Variants in DPP9 observed in about 807,000 individuals in gnomAD.
DPP9 encodes dipeptidyl peptidase 9, also known as dipeptidyl peptidase IV-related protein-2.
A neutral mutation model predicts 110.7 loss-of-function variants in DPP9; 50 were observed. The observed-to-expected ratio is 0.45, with a 90% CI of 0.36 to 0.57. The LOEUF (loss-of-function observed/expected upper bound fraction) is 0.57. Ranked by LOEUF, DPP9 falls within the 20% of genes least tolerant of loss-of-function variation. DPP9 has a pLI of 0.00. For missense variants in DPP9, 1,022 were observed against 1,217.9 expected, an observed-to-expected ratio of 0.84 and a Z score of 2.39; for synonymous variants, 561 against 514.4, an observed-to-expected ratio of 1.09 and a Z score of -1.23.
At position 4,684,196 on chromosome 19, in the gene DPP9, T is replaced by C; in HGVS notation, c.2178+467A>G. On this transcript the variant is annotated intron_variant, in intron 18 of 21. Coordinates refer to ENST00000262960, the MANE Select transcript of DPP9 (RefSeq NM_139159.5). The surrounding 1 kb of genome is among the most constrained non-coding windows in gnomAD (Gnocchi z 4.8). Reference sequence around the variant, plus strand: ...GGGAGGCCACGGCTTTTCCGCTCCTTGCAACCCCTCTGCCGTGTAGGAAGC... The same window carrying C: ...GGGAGGCCACGGCTTTTCCGCTCCTCGCAACCCCTCTGCCGTGTAGGAAGC... 1 of 271,990 alleles carries C rather than the reference T, an allele frequency of 3.7e-6. No homozygotes were observed. The highest frequency in any genetic ancestry group is 3.9e-5 in the South Asian group (1 of 25,446). The allele number at this position is 271,990 out of a possible 1,614,324, so 16.8% of individuals were successfully genotyped here.
intron 4 of DPP9, among the ~76,000 whole-genome samples, chr19:4,709,219 G>A (rs114625537): frequency 0.017 from 2,645 of 151,984 alleles, 42 homozygotes; most frequent in African/African-American, 0.04. Context: ...CACCCGGCCA[G>A]TTGTTTGTTT....
chr19:4,683,963 C>T, intron 18 of DPP9: 1 of 627,468 alleles, frequency 1.6e-6, no homozygotes, highest in Non-Finnish European at 2.5e-6. Flanking sequence ...GACGGGTGCC[C>T]AGGCATGTGC....
rs962856196 is a variant in DPP9, at chr19:4,710,666, C to G, written c.313+3415G>C. Among the ~76,000 whole-genome samples the G allele has an allele frequency of 6.6e-6, 1 of 152,062 alleles. No homozygotes were observed. Among genetic ancestry groups the G allele is most frequent in the Non-Finnish European group, 1.5e-5 (1 of 67,990 alleles). ...GCTTTGAGCAGCAGGCCAGGCCTGG[C>G]CTTGAAGTCTGGACACTGGGCTAGT... On this transcript the variant is annotated intron_variant, in intron 4 of 21. Coordinates refer to ENST00000262960, the MANE Select transcript of DPP9 (RefSeq NM_139159.5). The surrounding 1 kb of genome is among the most constrained non-coding windows in gnomAD (Gnocchi z 5.6).
intron 7 of DPP9, 130 bp from the exon 8 acceptor site, chr19:4,702,846 G>GGGAGAGGGAA (rs2092361595): frequency 2.2e-5 from 3 of 137,520 alleles, no homozygotes; most frequent in African/African-American, 1.2e-4. Flanking sequence ...GAGAGGGGGA[G>GGGAGAGGGAA]GGAGAGGGAG....
In DPP9 at chr19:4,683,754, CCT is replaced by C. The variant is rs747986716; in HGVS notation, c.2179-127_2179-126del. The C allele has an allele frequency of 9.0e-5, 144 of 1,594,022 alleles. 1 individual carries two copies. The highest frequency in any genetic ancestry group is 1.1e-4 in the Non-Finnish European group (128 of 1,173,530). On this transcript the variant is annotated intron_variant, in intron 18 of 21. Transcript: ENST00000262960. ...ATGAAAAGTGGCTCGCTGGAAGCCCCCTGTCCTTCCAGGCCCTGCTAACCCTG... is the reference window on the plus strand; with the variant it reads ...ATGAAAAGTGGCTCGCTGGAAGCCCCGTCCTTCCAGGCCCTGCTAACCCTG...
In DPP9 at chr19:4,700,589, C is replaced by T. The variant is rs766525762; in HGVS notation, c.1013-312G>A. 8.1e-4 allele frequency among the ~76,000 whole-genome samples: 124 copies of T among 152,288 alleles called. No individual in the cohort carries two copies. Among genetic ancestry groups the T allele is most frequent in the Non-Finnish European group, 5.3e-4 (36 of 68,012 alleles). On this transcript the variant is annotated intron_variant, in intron 9 of 21. Coordinates refer to ENST00000262960, the MANE Select transcript of DPP9 (RefSeq NM_139159.5). The surrounding 1 kb of genome is among the most constrained non-coding windows in gnomAD (Gnocchi z 4.3). ...GCTGAGAGCTGGGGCTTGTAGGGGC[C>T]GCAGATACCAGGAAGATGCCATCCC...
rs909192859 is a variant in DPP9 at position 4,689,372 on chromosome 19, T to C, written c.1749+198A>G. On this transcript the variant is annotated intron_variant, in intron 15 of 21. Coordinates refer to ENST00000262960, the MANE Select transcript of DPP9 (RefSeq NM_139159.5). This position sits in a 1 kb window ranked among gnomAD's most constrained non-coding sequence, Gnocchi z 7.0. Reference sequence around the variant, plus strand: ...TGGGGGGCTCCACCACTTACTACCCTGGGATTGGTGGTGGGCAATTCACTC... The same window carrying C: ...TGGGGGGCTCCACCACTTACTACCCCGGGATTGGTGGTGGGCAATTCACTC... Among the ~76,000 whole-genome samples the C allele has an allele frequency of 6.6e-6, 1 of 152,148 alleles. No individual in the cohort carries two copies. The highest frequency in any genetic ancestry group is 1.5e-5 in the Non-Finnish European group (1 of 67,984).
chr19:4,719,678 C>T (rs546110801), intron 3 of DPP9, 173 bp downstream of exon 3: 1 of 756,684 alleles, frequency 1.3e-6, no homozygotes, highest in South Asian at 1.7e-5. Flanking sequence ...GAGGGGGAGA[C>T]CCCGCACTAC....
chr19:4,684,955 A>C lies in DPP9; in HGVS notation c.2032-146T>G. On this transcript the variant is annotated intron_variant, in intron 17 of 21. Coordinates refer to ENST00000262960, the MANE Select transcript of DPP9 (RefSeq NM_139159.5). The surrounding 1 kb of genome is among the most constrained non-coding windows in gnomAD (Gnocchi z 4.8). The stretch of plus-strand genomic sequence containing the variant: ...CCTGTGCCCCGGAGGCTCTGGATGG[A>C]CACCTGGGAGTGGCAAGGCGGGAGG... 1 of 1,073,940 alleles carries C rather than the reference A, an allele frequency of 9.3e-7. No homozygotes were observed. The highest frequency in any genetic ancestry group is 1.4e-6 in the Non-Finnish European group (1 of 724,616). The allele number at this position is 1,073,940 out of a possible 1,614,324, so 66.5% of individuals were successfully genotyped here. A position where few individuals can be genotyped will look rare whatever the true frequency, so the allele number is the denominator to read the frequency against.
intron 21 of DPP9, among the ~76,000 whole-genome samples, chr19:4,678,100 TTTTC>T (rs1568296329): frequency 6.6e-6 from 1 of 152,006 alleles, no homozygotes; most frequent in Admixed American, 6.5e-5. Flanking sequence ...TGCTTTTCTT[TTTTC>T]TTTCTTTTCT....
At chr19:4,696,769 A>C (rs1372832404) in intron 11 of DPP9, among the ~76,000 whole-genome samples, 1 of 151,858 alleles carries the variant, frequency 6.6e-6, no homozygotes, top group Non-Finnish European at 1.5e-5. Context: ...TTAAAATATT[A>C]GCTGGGAGTG....
At chr19:4,688,948 G>A (rs1191187892) in intron 15 of DPP9, 56 bp from the exon 16 acceptor site, 9 of 1,487,876 alleles carry the variant, frequency 6.0e-6, no homozygotes, top group African/African-American at 1.5e-5. Context: ...CCTTTCCACT[G>A]GGTGCCGACC....
chr19:4,687,711 T>C lies in DPP9; in HGVS notation c.1885+1046A>G, dbSNP rs906273260. ...ACTGCAGGGTCCTGGAGAAGGTGAG[T>C]GGAAAGCCTGATAACCACGGCGGGT... On this transcript the variant is annotated intron_variant, in intron 16 of 21. Coordinates refer to ENST00000262960, the MANE Select transcript of DPP9 (RefSeq NM_139159.5). This position sits in a 1 kb window ranked among gnomAD's most constrained non-coding sequence, Gnocchi z 4.7. Among the ~76,000 whole-genome samples the C allele has an allele frequency of 1.3e-5, 2 of 151,946 alleles. No homozygotes were observed. The highest frequency in any genetic ancestry group is 6.6e-5 in the Admixed American group (1 of 15,260).
intron 11 of DPP9, among the ~76,000 whole-genome samples, chr19:4,697,055 C>T (rs1253355881): frequency 2.0e-5 from 3 of 151,250 alleles, no homozygotes; most frequent in Admixed American, 2.0e-4. Flanking sequence ...GTTATGATCG[C>T]ACCACTGCAC....
At chr19:4,713,576 G>T (rs1467010418) in intron 4 of DPP9, among the ~76,000 whole-genome samples, 2 of 152,228 alleles carry the variant, frequency 1.3e-5, no homozygotes, top group East Asian at 3.8e-4. Context: ...CGGCAAACCA[G>T]GTTCTGCCAT....
intron 21 of DPP9, among the ~76,000 whole-genome samples, chr19:4,677,691 GC>G (rs1207405348): frequency 3.9e-5 from 6 of 152,206 alleles, no homozygotes; most frequent in African/African-American, 9.7e-5. Flanking sequence ...TCCTTCCCCA[GC>G]CCGGGCAGTG....
At chr19:4,690,831 AACAC>A in intron 14 of DPP9, 43 bp downstream of exon 14, 2 of 1,449,850 alleles carry the variant, frequency 1.4e-6, no homozygotes, top group Non-Finnish European at 1.9e-6. Context: ...ATGTGTGTAA[AACAC>A]ACATGCATGG....
intron 20 of DPP9, 59 bp from the exon 21 acceptor site, chr19:4,680,005 G>C: frequency 7.9e-7 from 1 of 1,269,266 alleles, no homozygotes; most frequent in Non-Finnish European, 1.1e-6. Flanking sequence ...TAGGAGGGGA[G>C]CAGATCACAA....
Position 4,684,422 on chromosome 19 carries a change from C to T in DPP9, c.2178+241G>A, listed in dbSNP as rs1350979020. On this transcript the variant is annotated intron_variant, in intron 18 of 21. Transcript: ENST00000262960. This position sits in a 1 kb window ranked among gnomAD's most constrained non-coding sequence, Gnocchi z 4.8. ...CCGAGATGATCGCCATCACCACCGT[C>T]GTCATCACCAGTGTCAGCACAACTT... The T allele has an allele frequency of 2.7e-5, 15 of 554,310 alleles. No individual in the cohort carries two copies. The highest frequency in any genetic ancestry group is 2.2e-4 in the South Asian group (10 of 45,390). 34.3% of individuals were successfully genotyped at this position (554,310 alleles called of 1,614,324 possible).
Sources: gnomAD v4.1 joint callset for allele counts (sites outside exome capture counted in the v4.1 genomes callset) on GRCh38, gnomAD v4.1.1 for gene constraint, Gnocchi (gnomAD v3.1) non-coding constraint, MANE v1.5 for transcripts, NCBI Gene and HGNC (gene_info 2026-07-23, HGNC 2026-07-21) for gene names.